HOATZ: variants seen among roughly 807,000 people sequenced by gnomAD.
HOATZ encodes cilia- and flagella-associated protein HOATZ.
A neutral mutation model predicts 24.9 loss-of-function variants in HOATZ; 26 were observed. That is an observed-to-expected ratio of 1.04 (90% CI 0.76 to 1.45). HOATZ has a LOEUF of 1.45. HOATZ is among the 40% of genes most tolerant of loss of function. The pLI is 0.00. For missense variants in HOATZ, 226 were observed against 201.5 expected (o/e 1.12, Z -0.74); for synonymous variants, 83 against 76.6 (o/e 1.08, Z -0.43).
intron 3 of HOATZ, among the ~76,000 whole-genome samples, chr11:111,529,087 G>C (rs1028659125): frequency 3.3e-5 from 5 of 152,124 alleles, no homozygotes; most frequent in South Asian, 2.1e-4. Context: ...CTCACACAAG[G>C]CCTGATATCT....
In HOATZ at chr11:111,514,987, G is replaced by T; in HGVS notation, c.203G>T (p.Arg68Leu). Reference sequence around the variant, plus strand: ...AGCAGTCAGCGTCTGCCGGTGGCGCGGCCCAGGAGGAGCAGAGGGTCTGGT... The same window carrying T: ...AGCAGTCAGCGTCTGCCGGTGGCGCTGCCCAGGAGGAGCAGAGGGTCTGGT... ...RDSSQRLPVA[R>L]PRRSRGSENS... is the part of the protein sequence containing the mutation. Residue 68 changes from arginine to leucine, a missense_variant, in exon 1 of 6, where the codon CGG (arginine) becomes CTG (leucine). Coordinates refer to ENST00000375618, the MANE Select transcript of HOATZ (RefSeq NM_001100388.2). The T allele has an allele frequency of 6.2e-7, 1 of 1,613,118 alleles. No homozygotes were observed.
chr11:111,533,007 T>C (rs1867410081), intron 3 of HOATZ, among the ~76,000 whole-genome samples: 1 of 152,242 alleles, frequency 6.6e-6, no homozygotes, highest in Admixed American at 6.5e-5. Flanking sequence ...ATTTTTATAG[T>C]TTATATATTG....
At chr11:111,522,584 T>C (rs932619070) in intron 3 of HOATZ, among the ~76,000 whole-genome samples, 1 of 152,230 alleles carries the variant, frequency 6.6e-6, no homozygotes, top group Admixed American at 6.5e-5. Context: ...TAATGTATTC[T>C]AGTCACATAA....
In HOATZ at chr11:111,536,834, T is replaced by C. The variant is rs772695534; in HGVS notation, c.*7T>C. Reference sequence around the variant, plus strand: ...AGTCAAAACTTTGGACTAATTTGCTTGACACATGGCAGAGGATGGCTCACT... The same window carrying C: ...AGTCAAAACTTTGGACTAATTTGCTCGACACATGGCAGAGGATGGCTCACT... On this transcript the variant is annotated 3_prime_UTR_variant, in exon 6 of 6. Coordinates refer to ENST00000375618, the MANE Select transcript of HOATZ (RefSeq NM_001100388.2). 6 of 1,612,370 alleles carry C rather than the reference T, an allele frequency of 3.7e-6. No homozygotes were observed. Among genetic ancestry groups the C allele is most frequent in the Non-Finnish European group, 5.1e-6 (6 of 1,178,612 alleles).
chr11:111,514,898 G>C lies in HOATZ; in HGVS notation c.114G>C (p.Lys38Asn). Residue 38 changes from lysine to asparagine, a missense_variant, in exon 1 of 6, where the codon AAG becomes AAC. By Grantham distance (94) the Lys-to-Asn change is moderately conservative. Coordinates refer to ENST00000375618, the MANE Select transcript of HOATZ (RefSeq NM_001100388.2). ...CGGAACAAGATGCCAACTTGGCTAA[G>C]CAGTTCTGGATCTCGGCGTCGATGT... ...GSSEQDANLA[K>N]QFWISASMYP... 1 of 1,614,202 alleles carries C rather than the reference G, an allele frequency of 6.2e-7. No homozygotes were observed. Among genetic ancestry groups the C allele is most frequent in the South Asian group, 1.1e-5 (1 of 91,084 alleles).
At chr11:111,517,747 T>A (rs572039455) in intron 3 of HOATZ, among the ~76,000 whole-genome samples, 2 of 152,268 alleles carry the variant, frequency 1.3e-5, no homozygotes, top group South Asian at 4.1e-4. Context: ...GTGTAACAAA[T>A]CAAGAAAGCT....
At chr11:111,533,895 A>C in intron 4 of HOATZ, 90 bp downstream of exon 4, 2 of 904,358 alleles carry the variant, frequency 2.2e-6, no homozygotes, top group Non-Finnish European at 3.3e-6. Context: ...GAACCCTTAA[A>C]TCTAGCTAGC....
intron 2 of HOATZ, 92 bp downstream of exon 2, chr11:111,515,644 G>C: frequency 9.0e-7 from 1 of 1,107,596 alleles, no homozygotes; most frequent in South Asian, 1.3e-5. Flanking sequence ...TTACACTGTG[G>C]TATAACTTTC....
At chr11:111,531,970 G>A (rs376274114) in intron 3 of HOATZ, among the ~76,000 whole-genome samples, 2 of 152,094 alleles carry the variant, frequency 1.3e-5, no homozygotes, top group Non-Finnish European at 2.9e-5. Flanking sequence ...CTTTGCACAC[G>A]CTGTTTCCTC....
chr11:111,531,859 T>C (rs1255345320), intron 3 of HOATZ, among the ~76,000 whole-genome samples: 2 of 152,214 alleles, frequency 1.3e-5, no homozygotes, highest in Non-Finnish European at 2.9e-5. Context: ...TCTGTGTGTC[T>C]TGATGAATCA....
chr11:111,516,256 G>T (rs549779277), intron 3 of HOATZ, 146 bp downstream of exon 3: 1 of 541,042 alleles, frequency 1.8e-6, no homozygotes, highest in Non-Finnish European at 3.3e-6. Flanking sequence ...AATTTTAATT[G>T]AAAATTTAAA....
intron 5 of HOATZ, chr11:111,534,936 A>T (rs1867434489): frequency 6.4e-6 from 1 of 157,314 alleles, no homozygotes; most frequent in Admixed American, 6.3e-5. Flanking sequence ...ATAATGTTAG[A>T]GCAGGACTAG....
At chr11:111,518,214 G>A (rs1397143984) in intron 3 of HOATZ, among the ~76,000 whole-genome samples, 1 of 152,168 alleles carries the variant, frequency 6.6e-6, no homozygotes, top group East Asian at 1.9e-4. Context: ...GACAGTAGAA[G>A]ACAAGAGGCC....
intron 3 of HOATZ, among the ~76,000 whole-genome samples, chr11:111,526,497 A>C (rs565866247): frequency 2.0e-5 from 3 of 152,196 alleles, no homozygotes; most frequent in African/African-American, 7.2e-5. Context: ...TGGATATGGG[A>C]GGTGAGGTAC....
At chr11:111,532,958 A>G (rs1343839611) in intron 3 of HOATZ, among the ~76,000 whole-genome samples, 1 of 152,204 alleles carries the variant, frequency 6.6e-6, no homozygotes, top group African/African-American at 2.4e-5. Context: ...AACTTAATAT[A>G]GATGAATTCT....
At chr11:111,522,924 A>G (rs1182859857) in intron 3 of HOATZ, among the ~76,000 whole-genome samples, 1 of 152,146 alleles carries the variant, frequency 6.6e-6, no homozygotes, top group Non-Finnish European at 1.5e-5. Flanking sequence ...CGTCTCTACT[A>G]AAAATACAAA....
chr11:111,522,823 A>T (rs1249258990), intron 3 of HOATZ, among the ~76,000 whole-genome samples: 3 of 139,534 alleles, frequency 2.2e-5, no homozygotes, highest in East Asian at 2.0e-4. Context: ...GAAAGTGGTT[A>T]AAAAAAAAAA....
intron 5 of HOATZ, chr11:111,535,676 T>G (rs1371674764): frequency 6.6e-6 from 1 of 152,106 alleles, no homozygotes; most frequent in Non-Finnish European, 1.5e-5. Flanking sequence ...TTTTTTTTTT[T>G]GAGACGGAGT....
chr11:111,533,899 AGC>A, intron 4 of HOATZ, 94 bp downstream of exon 4: 4 of 847,834 alleles, frequency 4.7e-6, no homozygotes, highest in Non-Finnish European at 5.3e-6. Flanking sequence ...CCTTAAATCT[AGC>A]TAGCTATAGT....
Sources: allele counts gnomAD v4.1 joint callset (sites outside exome capture counted in the v4.1 genomes callset), GRCh38; gene constraint gnomAD v4.1.1; transcripts MANE v1.5; gene names NCBI Gene and HGNC (gene_info 2026-07-23, HGNC 2026-07-21).